Variants in SMYD3 observed in about 807,000 individuals in gnomAD.
SMYD3 encodes the protein SET and MYND domain containing 3.
A neutral mutation model predicts 57.7 loss-of-function variants in SMYD3; 36 were observed. The observed-to-expected ratio is 0.62, with a 90% CI of 0.48 to 0.82. SMYD3 has a LOEUF of 0.82. Ranked by LOEUF, SMYD3 falls within the 40% of genes least tolerant of loss-of-function variation. The pLI is 0.00. For missense variants in SMYD3, 515 were observed against 538.8 expected, an observed-to-expected ratio of 0.96 and a Z score of 0.44; for synonymous variants, 211 against 195.0, an observed-to-expected ratio of 1.08 and a Z score of -0.68.
intron 1 of SMYD3, among the ~76,000 whole-genome samples, chr1:246,382,389 G>A (rs1051963916): frequency 6.6e-6 from 1 of 151,952 alleles, no homozygotes; most frequent in Non-Finnish European, 1.5e-5. Flanking sequence ...ATGGACCCAC[G>A]CTCCAGCAAA....
chr1:246,197,522 A>C (rs1160585314), intron 5 of SMYD3, among the ~76,000 whole-genome samples: 4 of 152,184 alleles, frequency 2.6e-5, no homozygotes, highest in Admixed American at 1.3e-4. Context: ...TTTCCACGTA[A>C]GGTACGTTCT....
chr1:245,849,543 CTTACCAGAACT>C (rs1294869995), intron 10 of SMYD3, among the ~76,000 whole-genome samples: 2 of 152,260 alleles, frequency 1.3e-5, no homozygotes, highest in East Asian at 3.9e-4. Context: ...CAGTGTACTT[CTTACCAGAACT>C]TGGGCCTCTC....
intron 5 of SMYD3, among the ~76,000 whole-genome samples, chr1:245,989,280 T>C (rs2058767028): frequency 6.7e-6 from 1 of 149,690 alleles, no homozygotes; most frequent in East Asian, 2.0e-4. Context: ...CTGCAAGATC[T>C]TTGAAGAGGA....
rs144845970 is a variant in SMYD3, at chr1:246,115,529, C to T, written c.532-185592G>A. On this transcript the variant is annotated intron_variant, in intron 5 of 11. Coordinates refer to ENST00000490107, the MANE Select transcript of SMYD3 (RefSeq NM_001167740.2). ...AATAATTTGAGGGATACAAAAATAG[C>T]TAGTACCCAAAAAGATAAAATAACA... Among the ~76,000 whole-genome samples the T allele has an allele frequency of 9.7e-4, 148 of 152,252 alleles. 2 individuals are homozygous for T. Among genetic ancestry groups the T allele is most frequent in the African/African-American group, 3.5e-3 (144 of 41,554 alleles).
chr1:246,412,223 A>G (rs375143686), intron 1 of SMYD3, among the ~76,000 whole-genome samples: 1 of 152,198 alleles, frequency 6.6e-6, no homozygotes, highest in African/African-American at 2.4e-5. Flanking sequence ...GCCCTCTCCC[A>G]GCCTGAATGG....
At chr1:246,274,228 AGTTTCAAGGTTACT>A (rs1235625573) in intron 5 of SMYD3, among the ~76,000 whole-genome samples, 1 of 152,176 alleles carries the variant, frequency 6.6e-6, no homozygotes, top group Non-Finnish European at 1.5e-5. Context: ...CAAAACATGG[AGTTTCAAGGTTACT>A]GTTAGAGAAC....
intron 10 of SMYD3, among the ~76,000 whole-genome samples, chr1:245,815,263 C>T (rs756677809): frequency 1.3e-5 from 2 of 152,202 alleles, no homozygotes; most frequent in Non-Finnish European, 2.9e-5. Flanking sequence ...ACAAATGGAA[C>T]GTGATAGTGG....
chr1:246,338,183 T>A (rs1297571287), intron 2 of SMYD3, among the ~76,000 whole-genome samples: 1 of 152,212 alleles, frequency 6.6e-6, no homozygotes, highest in Non-Finnish European at 1.5e-5. Context: ...TATCAGCCCA[T>A]TCCTTTTCTT....
chr1:246,039,863 C>G (rs1042502814), intron 5 of SMYD3, among the ~76,000 whole-genome samples: 6 of 152,130 alleles, frequency 3.9e-5, no homozygotes, highest in Non-Finnish European at 8.8e-5. Flanking sequence ...AGACCAGGCC[C>G]AATAGTTCTC....
intron 5 of SMYD3, among the ~76,000 whole-genome samples, chr1:246,077,895 C>T (rs907860522): frequency 2.0e-5 from 3 of 151,984 alleles, no homozygotes; most frequent in African/African-American, 4.8e-5. Flanking sequence ...AAAAAGAAAA[C>T]AATCGTTTGT....
chr1:245,885,760 AAGACAATTAC>A, intron 8 of SMYD3, among the ~76,000 whole-genome samples: 1 of 152,342 alleles, frequency 6.6e-6, no homozygotes, highest in South Asian at 2.1e-4. Flanking sequence ...CTTGAGCTAA[AAGACAATTAC>A]ATAAAATTAA....
chr1:246,225,867 C>A (rs1295026123), intron 5 of SMYD3, among the ~76,000 whole-genome samples: 1 of 152,108 alleles, frequency 6.6e-6, no homozygotes, highest in Non-Finnish European at 1.5e-5. Flanking sequence ...GTAAATATTA[C>A]AAGATTGCAA....
intron 5 of SMYD3, among the ~76,000 whole-genome samples, chr1:246,012,864 G>T (rs2059308571): frequency 6.6e-6 from 1 of 152,210 alleles, no homozygotes; most frequent in Non-Finnish European, 1.5e-5. Flanking sequence ...TTGGGCAAAT[G>T]ACTGAGAAAG....
intron 10 of SMYD3, among the ~76,000 whole-genome samples, chr1:245,838,359 T>C (rs1048470010): frequency 1.1e-4 from 16 of 152,148 alleles, no homozygotes; most frequent in Non-Finnish European, 1.5e-4. Flanking sequence ...GTCCTGGGAA[T>C]AGGCATCAGT....
intron 2 of SMYD3, among the ~76,000 whole-genome samples, chr1:246,349,589 C>T (rs1414066393): frequency 3.3e-5 from 5 of 151,602 alleles, no homozygotes; most frequent in Admixed American, 2.6e-4. Flanking sequence ...GCCTGGGTGA[C>T]AGAGAGAGAT....
chr1:246,231,747 C>T (rs1176284664), intron 5 of SMYD3, among the ~76,000 whole-genome samples: 5 of 152,224 alleles, frequency 3.3e-5, no homozygotes, highest in South Asian at 2.1e-4. Flanking sequence ...ATAATTACTG[C>T]TTTGGGTACA....
intron 1 of SMYD3, among the ~76,000 whole-genome samples, chr1:246,439,105 C>CG (rs35839272): frequency 0.26 from 31,546 of 123,580 alleles, 4,196 homozygotes; most frequent in East Asian, 0.35. Flanking sequence ...TTGTTATTTT[C>CG]GGGGGGGGGG....
intron 6 of SMYD3, among the ~76,000 whole-genome samples, chr1:245,928,606 G>A (rs925348792): frequency 1.3e-5 from 2 of 152,058 alleles, no homozygotes; most frequent in East Asian, 1.9e-4. Flanking sequence ...CCCAGGAGGC[G>A]GAGGTTGCAG....
chr1:245,759,611 G>C (rs61831335), intron 11 of SMYD3, among the ~76,000 whole-genome samples: 27,357 of 152,166 alleles, frequency 0.18, 2,564 homozygotes, highest in African/African-American at 0.2. Context: ...CTGAAAATCA[G>C]GGCAGCCGAT....
Sources: allele counts gnomAD v4.1 joint callset (sites outside exome capture counted in the v4.1 genomes callset), GRCh38; gene constraint gnomAD v4.1.1; transcripts MANE v1.5; gene names NCBI Gene and HGNC (gene_info 2026-07-23, HGNC 2026-07-21).